The following MND1 variants were observed in gnomAD, a reference collection of about 807,000 sequenced individuals.
MND1 encodes the protein meiotic nuclear division protein 1 homolog.
A neutral mutation model predicts 35.1 loss-of-function variants in MND1; 28 were observed. The ratio of observed to expected loss-of-function variants is 0.80; its 90% CI spans 0.59 to 1.09. The LOEUF (loss-of-function observed/expected upper bound fraction) is 1.09. MND1 is among the 50% of genes least tolerant of loss of function. MND1 has a pLI of 0.00. For missense variants in MND1, 213 were observed against 239.6 expected, an observed-to-expected ratio of 0.89 and a Z score of 0.73; for synonymous variants, 69 against 70.5, an observed-to-expected ratio of 0.98 and a Z score of 0.11.
chr4:153,387,854 C>A (rs1176996916), intron 4 of MND1, among the ~76,000 whole-genome samples: 1 of 150,554 alleles, frequency 6.6e-6, no homozygotes, highest in Admixed American at 6.6e-5. Flanking sequence ...TTTTCCACAA[C>A]ATACTGCACG....
At chr4:153,374,631 ACT>A in intron 4 of MND1, among the ~76,000 whole-genome samples, 1 of 148,320 alleles carries the variant, frequency 6.7e-6, no homozygotes, top group East Asian at 2.0e-4. Flanking sequence ...GTTGGGGGAG[ACT>A]CTTTAATTTT....
At chr4:153,408,233 G>A (rs1475567368) in intron 6 of MND1, among the ~76,000 whole-genome samples, 1 of 152,114 alleles carries the variant, frequency 6.6e-6, no homozygotes, top group Non-Finnish European at 1.5e-5. Flanking sequence ...TCACACCATG[G>A]TACTCCAGCT....
intron 2 of MND1, among the ~76,000 whole-genome samples, chr4:153,353,262 CTT>C (rs1465239729): frequency 6.6e-6 from 1 of 151,508 alleles, no homozygotes; most frequent in Non-Finnish European, 1.5e-5. Flanking sequence ...TTTGCGAACT[CTT>C]AGGTGTAGTG....
At chr4:153,373,084 A>G (rs1773830660) in intron 4 of MND1, among the ~76,000 whole-genome samples, 1 of 149,868 alleles carries the variant, frequency 6.7e-6, no homozygotes, top group Non-Finnish European at 1.5e-5. Context: ...TTGTATTTTC[A>G]TATTTAGAGT....
chr4:153,369,307 A>G (rs1056148683), intron 4 of MND1, among the ~76,000 whole-genome samples: 2 of 152,184 alleles, frequency 1.3e-5, no homozygotes, highest in Admixed American at 6.5e-5. Flanking sequence ...ACAACATCCC[A>G]TCACCTCAGC....
chr4:153,376,249 G>A (rs116685119), intron 4 of MND1, among the ~76,000 whole-genome samples: 2,099 of 152,110 alleles, frequency 0.014, 48 homozygotes, highest in African/African-American at 0.048. Flanking sequence ...ATTTTCCCCC[G>A]TGTGGTAATG....
At chr4:153,359,099 T>C (rs1333046635) in intron 4 of MND1, among the ~76,000 whole-genome samples, 1 of 152,202 alleles carries the variant, frequency 6.6e-6, no homozygotes, top group Non-Finnish European at 1.5e-5. Context: ...TTATACATTA[T>C]GTGAGTTTTG....
Position 153,378,148 on chromosome 4 carries a change from T to C in MND1, c.277-16114T>C, listed in dbSNP as rs115316346. Among the ~76,000 whole-genome samples the C allele has an allele frequency of 9.6e-3, 1,467 of 152,284 alleles. 25 individuals are homozygous for C. Among genetic ancestry groups the C allele is most frequent in the African/African-American group, 0.033 (1,356 of 41,556 alleles). On this transcript the variant is annotated intron_variant, in intron 4 of 7. Coordinates refer to ENST00000240488, the MANE Select transcript of MND1 (RefSeq NM_032117.4). ...TCAATATATCACAGCCTTGTTTCTG[T>C]CCCAGCTATTGTGTACTGGGTCCAG...
chr4:153,394,794 A>C (rs1168433895), intron 5 of MND1, among the ~76,000 whole-genome samples: 4 of 152,186 alleles, frequency 2.6e-5, no homozygotes, highest in Non-Finnish European at 5.9e-5. Context: ...CTATCAACAT[A>C]GTATCTTTGG....
At chr4:153,345,655 T>TA (rs778187378) in intron 1 of MND1, 2 of 651,926 alleles carry the variant, frequency 3.1e-6, no homozygotes, top group Non-Finnish European at 3.8e-6. Flanking sequence ...TTCATTTACT[T>TA]ACGTGGCCGT....
At chr4:153,387,548 C>T (rs1728902939) in intron 4 of MND1, among the ~76,000 whole-genome samples, 1 of 151,974 alleles carries the variant, frequency 6.6e-6, no homozygotes, top group Non-Finnish European at 1.5e-5. Context: ...TGCTTGAGTT[C>T]AGGAATTGGA....
At chr4:153,394,051 C>G (rs2149652923) in intron 4 of MND1, among the ~76,000 whole-genome samples, 1 of 150,668 alleles carries the variant, frequency 6.6e-6, no homozygotes, top group East Asian at 2.0e-4. Flanking sequence ...GTGTGCGCCA[C>G]CACACCCAGC....
chr4:153,392,102 C>A (rs1579941331), intron 4 of MND1, among the ~76,000 whole-genome samples: 2 of 146,942 alleles, frequency 1.4e-5, no homozygotes, highest in South Asian at 2.1e-4. Flanking sequence ...TTGTGGGGGG[C>A]AGTTTAGTTT....
chr4:153,357,480 A>G (rs1773375606), intron 3 of MND1, among the ~76,000 whole-genome samples: 1 of 152,168 alleles, frequency 6.6e-6, no homozygotes, highest in Non-Finnish European at 1.5e-5. Context: ...AAGCCATACC[A>G]TGTATTTACT....
intron 4 of MND1, among the ~76,000 whole-genome samples, chr4:153,371,670 C>T (rs1006800660): frequency 3.9e-5 from 6 of 151,994 alleles, no homozygotes; most frequent in African/African-American, 1.2e-4. Context: ...GTGGTTGGCT[C>T]GATCCTCTAC....
intron 4 of MND1, among the ~76,000 whole-genome samples, chr4:153,392,714 A>G (rs982456411): frequency 1.6e-4 from 24 of 152,232 alleles, no homozygotes; most frequent in African/African-American, 5.8e-4. Context: ...CCACATGCCA[A>G]TCAACATTCA....
intron 6 of MND1, among the ~76,000 whole-genome samples, chr4:153,397,545 G>A (rs760967654): frequency 1.3e-5 from 2 of 152,116 alleles, no homozygotes; most frequent in African/African-American, 2.4e-5. Flanking sequence ...TGCCGGGCAC[G>A]TTGGCTTATG....
chr4:153,373,441 C>T (rs1374614292), intron 4 of MND1, among the ~76,000 whole-genome samples: 1 of 152,128 alleles, frequency 6.6e-6, no homozygotes, highest in Non-Finnish European at 1.5e-5. Flanking sequence ...TTCTTTACTT[C>T]TGGATTTCAC....
In MND1 at chr4:153,358,626, A is replaced by G. The variant is rs1242772503; in HGVS notation, c.276+4A>G. 1.2e-6 allele frequency: 2 copies of G among 1,611,304 alleles called. No individual in the cohort carries two copies. Among genetic ancestry groups the G allele is most frequent in the Non-Finnish European group, 1.7e-6 (2 of 1,179,170 alleles). On this transcript the variant is annotated splice_donor_region_variant and intron_variant, in intron 4 of 7. Coordinates refer to ENST00000240488, the MANE Select transcript of MND1 (RefSeq NM_032117.4). ...GTTGGAGGTTCTGGAATCTCAGGTA[A>G]GCTGCCACAGTTAAAAAGAATAGAG...
Sources: allele counts gnomAD v4.1 joint callset (sites outside exome capture counted in the v4.1 genomes callset), GRCh38; gene constraint gnomAD v4.1.1; transcripts MANE v1.5; gene names NCBI Gene and HGNC (gene_info 2026-07-23, HGNC 2026-07-21).